The following SLC22A13 variants were observed in gnomAD, a reference collection of about 807,000 sequenced individuals.
The protein encoded by SLC22A13 is solute carrier family 22 member 13.
A neutral mutation model predicts 49.1 loss-of-function variants in SLC22A13; 42 were observed. The observed-to-expected ratio is 0.85, with a 90% confidence interval of 0.67 to 1.11. The LOEUF (loss-of-function observed/expected upper bound fraction) is 1.11, where lower values mean the gene tolerates loss of function less well. Ranked by LOEUF, SLC22A13 falls within the 50% of genes least tolerant of loss-of-function variation. The probability of loss-of-function intolerance (pLI) is 0.00; values close to 1 mark genes in which losing one functional copy is unlikely to be tolerated. For synonymous variants in SLC22A13, 282 were observed against 293.1 expected, an observed-to-expected ratio of 0.96 and a Z score of 0.39; for missense variants, 694 against 712.8, an observed-to-expected ratio of 0.97 and a Z score of 0.30.
In SLC22A13 at chr3:38,273,468, G is replaced by A. The variant is rs78850142; in HGVS notation, c.379-804G>A. Among the ~76,000 whole-genome samples, 634 of 152,226 alleles carry A rather than the reference G, an allele frequency of 4.2e-3. 8 individuals carry two copies. Among genetic ancestry groups the A allele is most frequent in the African/African-American group, 0.015 (611 of 41,528 alleles). ...CGCCTTCCTCAGGGCATGTGTGAGG[G>A]CTCCTTAGGATTCTGATTGCCTGTG... On this transcript the variant is annotated intron_variant, in intron 1 of 9. Transcript: ENST00000311856.
At chr3:38,266,284 C>T (rs775886802) in intron 1 of SLC22A13, 46 bp downstream of exon 1, 3 of 1,589,396 alleles carry the variant, frequency 1.9e-6, no homozygotes, top group Non-Finnish European at 2.6e-6. Flanking sequence ...GTGGGTCTGT[C>T]AGGTCTTGTG....
Position 38,274,679 on chromosome 3 carries a change from C to T in SLC22A13, c.558C>T (p.Pro186=), listed in dbSNP as rs146083340. 2.4e-3 allele frequency: 3,827 copies of T among 1,614,208 alleles called. 2 individuals are homozygous for T. Among genetic ancestry groups the T allele is most frequent in the Non-Finnish European group, 2.9e-3 (3,382 of 1,180,032 alleles). Residue 186 remains proline, a synonymous_variant, in exon 3 of 10, where the codon CCC becomes CCT. Coordinates refer to ENST00000311856, the MANE Select transcript of SLC22A13 (RefSeq NM_004256.4). ...TCGGCCTGGCCACAGCTTTTGTGCC[C>T]AGCTTTGAGCTCTACATGGCCCTGC... ...TLIGLATAFV[P]SFELYMALRF...
chr3:38,274,176 T>C (rs1478340582), intron 1 of SLC22A13, 96 bp from the exon 2 acceptor site: 8 of 897,472 alleles, frequency 8.9e-6, no homozygotes, highest in Non-Finnish European at 1.1e-5. Context: ...TTGGGAACCA[T>C]GAGCTCCTGC....
chr3:38,275,377 C>T lies in SLC22A13; in HGVS notation c.814C>T (p.Pro272Ser). Residue 272 changes from proline (P) to serine (S), a missense_variant, in exon 5 of 10, where the codon CCA becomes TCA. By Grantham distance (74) the Pro-to-Ser change is moderately conservative. Transcript: ENST00000311856. ...LLLFFYFWALPESARWLLTRG... is the reference protein window; with the variant it reads ...LLLFFYFWALSESARWLLTRG... ...GCCGTTGCTGACCCACAGGGCTCTG[C>T]CAGAATCTGCACGTTGGCTCCTGAC... 1.2e-6 allele frequency: 2 copies of T among 1,614,138 alleles called. No homozygotes were observed. The highest frequency in any genetic ancestry group is 1.7e-6 in the Non-Finnish European group (2 of 1,180,014).
In SLC22A13 at chr3:38,266,035, A is replaced by G. The variant is rs570826979; in HGVS notation, c.175A>G (p.Thr59Ala). The G allele has an allele frequency of 5.6e-6, 9 of 1,614,146 alleles. No individual in the cohort carries two copies. The Admixed American group carries it at 8.3e-5, about 15-fold the overall frequency. Residue 59 changes from threonine to alanine, a missense_variant, in exon 1 of 10, where the codon ACT becomes GCT. Physicochemically the swap from Thr to Ala is moderately conservative, Grantham distance 58. Coordinates refer to ENST00000311856, the MANE Select transcript of SLC22A13 (RefSeq NM_004256.4). ...TGCAGTGGCTTGGGTGAAGAACCACACTTTCAACCTGAGTGCTGCTGAACA... is the reference window on the plus strand; with the variant it reads ...TGCAGTGGCTTGGGTGAAGAACCACGCTTTCAACCTGAGTGCTGCTGAACA... ...HCAVAWVKNH[T>A]FNLSAAEQLV...
intron 2 of SLC22A13, 103 bp downstream of exon 2, chr3:38,274,478 C>T: frequency 6.3e-6 from 9 of 1,434,132 alleles, no homozygotes; most frequent in Admixed American, 1.7e-5. Context: ...AGGCAAGGCC[C>T]TCTTCCCCCT....
In SLC22A13 at chr3:38,273,818, T is replaced by A. The variant is rs576732150; in HGVS notation, c.379-454T>A. Among the ~76,000 whole-genome samples the A allele has an allele frequency of 2.0e-5, 3 of 152,340 alleles. No homozygotes were observed. The East Asian group carries it at 5.8e-4, about 29-fold the overall frequency. ...AAAATATTTTAATGTTATTCTTAAA[T>A]ACAATAACTTACTGATAAGATGTAT... On this transcript the variant is annotated intron_variant, in intron 1 of 9. Coordinates refer to ENST00000311856, the MANE Select transcript of SLC22A13 (RefSeq NM_004256.4).
intron 8 of SLC22A13, among the ~76,000 whole-genome samples, 190 bp downstream of exon 8, chr3:38,276,585 ACAGG>A (rs1296868572): frequency 6.6e-6 from 1 of 152,218 alleles, no homozygotes; most frequent in Non-Finnish European, 1.5e-5. Context: ...TGGAGGACAG[ACAGG>A]CAAGTAGGCC....
Position 38,275,129 on chromosome 3 carries a change from C to T in SLC22A13, c.778C>T (p.Pro260Ser), listed in dbSNP as rs1164195384. 3 of 1,614,110 alleles carry T rather than the reference C, an allele frequency of 1.9e-6. No individual in the cohort carries two copies. The highest frequency in any genetic ancestry group is 3.3e-5 in the Admixed American group (2 of 60,008). ...GCTCCTTCAGATCACCGGCACTGCG[C>T]CTGGCTTACTGCTCTTCTTCTACTT... ...WRLLQITGTAPGLLLFFYFWA... is the reference protein window; with the variant it reads ...WRLLQITGTASGLLLFFYFWA... The change falls in exon 4 of 10, where the codon CCT (proline) becomes TCT (serine). Residue 260 changes from proline to serine, a missense_variant. Pro to Ser is a moderately conservative substitution (Grantham distance 74). Coordinates refer to ENST00000311856, the MANE Select transcript of SLC22A13 (RefSeq NM_004256.4).
Position 38,274,664 on chromosome 3 carries a change from C to T in SLC22A13, c.543C>T (p.Ala181=), listed in dbSNP as rs1703556897. Residue 181 remains alanine (A), a synonymous_variant, in exon 3 of 10, where the codon GCC becomes GCT. Coordinates refer to ENST00000311856, the MANE Select transcript of SLC22A13 (RefSeq NM_004256.4). The part of the protein sequence containing the change: ...QLLLFTLIGL[A]TAFVPSFELY... The stretch of plus-strand genomic sequence containing the variant: ...TCCTCTTCACCCTCATCGGCCTGGC[C>T]ACAGCTTTTGTGCCCAGCTTTGAGC... 1 of 1,614,174 alleles carries T rather than the reference C, an allele frequency of 6.2e-7. No individual in the cohort carries two copies.
intron 2 of SLC22A13, 61 bp from the exon 3 acceptor site, chr3:38,274,543 G>C (rs1703554778): frequency 6.3e-7 from 1 of 1,576,716 alleles, no homozygotes; most frequent in Admixed American, 1.7e-5. Context: ...CCCCCTTGCG[G>C]CCTTCTCCTC....
In SLC22A13 at chr3:38,275,128, G is replaced by T; in HGVS notation, c.777G>T (p.Ala259=). 6.2e-7 allele frequency: 1 copy of T among 1,614,230 alleles called. No homozygotes were observed. The highest frequency in any genetic ancestry group is 8.5e-7 in the Non-Finnish European group (1 of 1,180,036). ...GGCTCCTTCAGATCACCGGCACTGC[G>T]CCTGGCTTACTGCTCTTCTTCTACT... ...NWRLLQITGT[A]PGLLLFFYFW... The change falls in exon 4 of 10, where the codon GCG becomes GCT. Residue 259 remains alanine, a synonymous_variant. Coordinates refer to ENST00000311856, the MANE Select transcript of SLC22A13 (RefSeq NM_004256.4).
In SLC22A13 at chr3:38,276,936, C is replaced by T; in HGVS notation, c.1371C>T (p.Gly457=). 3.1e-6 allele frequency: 5 copies of T among 1,613,872 alleles called. No individual in the cohort carries two copies. In the East Asian group the frequency reaches 8.9e-5, roughly 29 times the overall value. ...GGCAGACAGGCATGGGGCTGGTGGG[C>T]ATCTTCTCACGGATCGGGGGCATCC... is the stretch of plus-strand genomic sequence containing the variant. ...ILRQTGMGLV[G]IFSRIGGILT... is the part of the protein sequence containing the mutation. The change falls in exon 9 of 10, where the codon GGC becomes GGT. Residue 457 remains glycine (G), a synonymous_variant. Coordinates refer to ENST00000311856, the MANE Select transcript of SLC22A13 (RefSeq NM_004256.4).
chr3:38,275,769 T>G (rs1370871900), intron 6 of SLC22A13, 97 bp downstream of exon 6: 2 of 1,481,180 alleles, frequency 1.4e-6, no homozygotes, highest in Non-Finnish European at 1.9e-6. Flanking sequence ...GCTGGGATGG[T>G]CTCTCCCTGG....
In SLC22A13 at chr3:38,275,374, C is replaced by T. The variant is rs1490549542; in HGVS notation, c.811C>T (p.Leu271=). The part of the protein sequence containing the change: ...GLLLFFYFWA[L]PESARWLLTR... Reference sequence around the variant, plus strand: ...ATAGCCGTTGCTGACCCACAGGGCTCTGCCAGAATCTGCACGTTGGCTCCT... The same window carrying T: ...ATAGCCGTTGCTGACCCACAGGGCTTTGCCAGAATCTGCACGTTGGCTCCT... Residue 271 remains leucine, a synonymous_variant, in exon 5 of 10, where the codon CTG becomes TTG. Transcript: ENST00000311856. 6.2e-7 allele frequency: 1 copy of T among 1,614,150 alleles called. No homozygotes were observed. The highest frequency in any genetic ancestry group is 8.5e-7 in the Non-Finnish European group (1 of 1,180,018).
At position 38,273,505 on chromosome 3, in the gene SLC22A13, C is replaced by G. The variant is rs186833608; in HGVS notation, c.379-767C>G. ...TCTGATTGCCTGTGAATGGTGGGTA[C>G]TTCAGGGGGATTTTGCAGCCAGGTA... On this transcript the variant is annotated intron_variant, in intron 1 of 9. Coordinates refer to ENST00000311856, the MANE Select transcript of SLC22A13 (RefSeq NM_004256.4). 6.6e-4 allele frequency among the ~76,000 whole-genome samples: 101 copies of G among 152,210 alleles called. 1 individual carries two copies. The highest frequency in any genetic ancestry group is 5.7e-4 in the Non-Finnish European group (39 of 68,006).
chr3:38,275,798 C>A, intron 6 of SLC22A13, 84 bp from the exon 7 acceptor site: 1 of 1,492,620 alleles, frequency 6.7e-7, no homozygotes, highest in Non-Finnish European at 9.2e-7. Flanking sequence ...GTGTCCCCTG[C>A]TGTGACTGCT....
In SLC22A13 at chr3:38,277,082, G is replaced by T; in HGVS notation, c.1517G>T (p.Gly506Val). Residue 506 changes from glycine to valine, a missense_variant, in exon 9 of 10, where the codon GGC becomes GTC. Gly to Val is a moderately radical substitution (Grantham distance 109). Coordinates refer to ENST00000311856, the MANE Select transcript of SLC22A13 (RefSeq NM_004256.4). ...CTLLPETHGQ[G>V]LKDTLQDLEL... ...CTGCTGCCAGAGACGCATGGCCAGG[G>T]CCTGAAAGACACCCTCCAGGACCTG... 1 of 1,581,130 alleles carries T rather than the reference G, an allele frequency of 6.3e-7. No homozygotes were observed. The highest frequency in any genetic ancestry group is 8.6e-7 in the Non-Finnish European group (1 of 1,163,408).
In SLC22A13 at chr3:38,275,618, A is replaced by G. The variant is rs747345370; in HGVS notation, c.968A>G (p.Asp323Gly). 6.2e-7 allele frequency: 1 copy of G among 1,614,112 alleles called. No homozygotes were observed. Among genetic ancestry groups the G allele is most frequent in the East Asian group, 2.2e-5 (1 of 44,878 alleles). The stretch of plus-strand genomic sequence containing the variant: ...ACAGGCCCCTCAGGGAATGCCCTGG[A>G]TCTGTTCAGACACCCCCAGCTCCGG... ...EKTGPSGNAL[D>G]LFRHPQLRKV... The change falls in exon 6 of 10, where the codon GAT becomes GGT. Residue 323 changes from aspartate (D) to glycine (G), a missense_variant. By Grantham distance (94) the Asp-to-Gly change is moderately conservative (BLOSUM62 -1). Transcript: ENST00000311856.
Sources: allele counts gnomAD v4.1 joint callset (sites outside exome capture counted in the v4.1 genomes callset), GRCh38; gene constraint gnomAD v4.1.1; transcripts MANE v1.5; gene names NCBI Gene and HGNC (gene_info 2026-07-23, HGNC 2026-07-21).